ANO2: variants seen among roughly 807,000 people sequenced by gnomAD.
The protein encoded by ANO2 is anoctamin-2.
Under a neutral mutation model 124.2 loss-of-function variants are expected in ANO2, and 101 were observed. The observed-to-expected ratio is 0.81, with a 90% confidence interval of 0.69 to 0.96. The LOEUF is 0.96. Among genes scored for constraint, ANO2 ranks in the 40% least tolerant of loss-of-function variants. ANO2 has a pLI of 0.00. For synonymous variants in ANO2, 486 were observed against 482.5 expected (o/e 1.01, Z -0.09); for missense variants, 1,293 against 1,274.5 (o/e 1.01, Z -0.22).
chr12:5,632,823 G>A (rs1022092070), intron 16 of ANO2, among the ~76,000 whole-genome samples: 1 of 152,146 alleles, frequency 6.6e-6, no homozygotes, highest in African/African-American at 2.4e-5. Context: ...TGAACAGGAA[G>A]GAGAAAGGTC....
At chr12:5,582,493 C>T (rs7967289) in intron 20 of ANO2, among the ~76,000 whole-genome samples, 25,671 of 152,178 alleles carry the variant, frequency 0.17, 2,539 homozygotes, top group Non-Finnish European at 0.22. Flanking sequence ...TCAACAAGGA[C>T]GTTTCAAGAC....
intron 4 of ANO2, among the ~76,000 whole-genome samples, chr12:5,836,097 C>T (rs1159420644): frequency 1.3e-5 from 2 of 152,178 alleles, no homozygotes; most frequent in African/African-American, 4.8e-5. Context: ...CCTTTTCTGT[C>T]CACTCCTCTC....
chr12:5,745,555 C>G (rs1591560996), intron 11 of ANO2, among the ~76,000 whole-genome samples: 1 of 152,216 alleles, frequency 6.6e-6, no homozygotes, highest in Admixed American at 6.5e-5. Context: ...CCTCCAAAGC[C>G]AAAGGATGCC....
rs764679979 is a variant in ANO2, at chr12:5,750,973, G to A, written c.1056-3C>T. 1 of 1,587,014 alleles carries A rather than the reference G, an allele frequency of 6.3e-7. No homozygotes were observed. Among genetic ancestry groups the A allele is most frequent in the South Asian group, 1.2e-5 (1 of 85,916 alleles). ...CAATTTTTTCTCCAAAATACTTTCT[G>A]GAAAAGAAAGAAAAGAAAATGAAAC... is the stretch of plus-strand genomic sequence containing the variant. On this transcript the variant is annotated splice_region_variant and splice_polypyrimidine_tract_variant and intron_variant, in intron 10 of 24. Transcript: ENST00000682330.
At chr12:5,930,245 C>T (rs1406283076) in intron 1 of ANO2, among the ~76,000 whole-genome samples, 1 of 152,134 alleles carries the variant, frequency 6.6e-6, no homozygotes, top group East Asian at 1.9e-4. Flanking sequence ...CTTTAATTCC[C>T]AATGTTTTAT....
intron 7 of ANO2, among the ~76,000 whole-genome samples, chr12:5,814,859 G>C (rs1193750488): frequency 6.6e-6 from 1 of 152,176 alleles, no homozygotes; most frequent in Non-Finnish European, 1.5e-5. Flanking sequence ...AGAAACCTAA[G>C]TTCTAAACCC....
At chr12:5,832,637 G>A in intron 4 of ANO2, 34 bp from the exon 5 acceptor site, 1 of 1,586,332 alleles carries the variant, frequency 6.3e-7, no homozygotes, top group Non-Finnish European at 8.6e-7. Context: ...CTGAAAAGGG[G>A]GCCACTTCCA....
chr12:5,682,506 G>GGCAGTCAAGGGTTCGGGCT (rs1948539462), intron 14 of ANO2, among the ~76,000 whole-genome samples: 1 of 152,098 alleles, frequency 6.6e-6, no homozygotes, highest in East Asian at 1.9e-4. Context: ...CTGTGCTTAT[G>GGCAGTCAAGGGTTCGGGCT]GCAGTCAAGG....
At chr12:5,810,339 A>T (rs2137179519) in intron 7 of ANO2, among the ~76,000 whole-genome samples, 1 of 152,338 alleles carries the variant, frequency 6.6e-6, no homozygotes, top group South Asian at 2.1e-4. Context: ...TCTACCCCCA[A>T]ACAAGCATGG....
intron 16 of ANO2, among the ~76,000 whole-genome samples, chr12:5,617,247 CA>C (rs1470140997): frequency 6.6e-6 from 1 of 151,936 alleles, no homozygotes; most frequent in East Asian, 1.9e-4. Flanking sequence ...CACACCATAC[CA>C]AACTCTCCAG....
intron 10 of ANO2, among the ~76,000 whole-genome samples, chr12:5,780,838 G>A (rs1952370725): frequency 6.6e-6 from 1 of 152,106 alleles, no homozygotes; most frequent in East Asian, 1.9e-4. Context: ...GAATAAATCT[G>A]TTCCTGGAAA....
Position 5,914,530 on chromosome 12 carries a change from T to C in ANO2, c.534+6510A>G, listed in dbSNP as rs538676781. On this transcript the variant is annotated intron_variant, in intron 3 of 24. Coordinates refer to ENST00000682330, the MANE Select transcript of ANO2 (RefSeq NM_001364791.2). ...GCAGCTGTGGGCCCCCAGACTTCCCTGATGGTACGCTGTCCCTTCCAAGAA... is the reference window on the plus strand; with the variant it reads ...GCAGCTGTGGGCCCCCAGACTTCCCCGATGGTACGCTGTCCCTTCCAAGAA... 4.8e-3 allele frequency among the ~76,000 whole-genome samples: 727 copies of C among 152,196 alleles called. 4 individuals are homozygous for C. The highest frequency in any genetic ancestry group is 0.017 in the African/African-American group (691 of 41,546).
chr12:5,789,173 G>A (rs1565670296), intron 10 of ANO2, among the ~76,000 whole-genome samples: 1 of 152,228 alleles, frequency 6.6e-6, no homozygotes, highest in South Asian at 2.1e-4. Context: ...ACCAGCTTGG[G>A]CTTTCAGGAG....
At chr12:5,754,943 C>T (rs192837583) in intron 10 of ANO2, among the ~76,000 whole-genome samples, 82 of 152,060 alleles carry the variant, frequency 5.4e-4, no homozygotes, top group African/African-American at 1.8e-3. Context: ...TTCTTCCCTC[C>T]TGCTAATTTT....
chr12:5,716,478 G>C (rs1219069049), intron 14 of ANO2, among the ~76,000 whole-genome samples: 2 of 152,290 alleles, frequency 1.3e-5, no homozygotes, highest in East Asian at 3.9e-4. Context: ...AGCACACAGT[G>C]GTGCTAGGAG....
chr12:5,771,650 G>T (rs1184746523), intron 10 of ANO2, among the ~76,000 whole-genome samples: 1 of 152,078 alleles, frequency 6.6e-6, no homozygotes, highest in African/African-American at 2.4e-5. Context: ...CATGGTGGTG[G>T]GTGCCTGTAA....
rs543628135 is a variant in ANO2, at chr12:5,807,591, T to C, written c.893-223A>G. Among the ~76,000 whole-genome samples, 381 of 152,354 alleles carry C rather than the reference T, an allele frequency of 2.5e-3. 1 individual carries two copies. The highest frequency in any genetic ancestry group is 8.6e-3 in the African/African-American group (356 of 41,582). ...CAAAATTATGTTTTAATATCAAATA[T>C]GCTGTCTCAAAGTTCACATTCCTCC... On this transcript the variant is annotated intron_variant, in intron 7 of 24. Transcript: ENST00000682330.
intron 10 of ANO2, among the ~76,000 whole-genome samples, chr12:5,760,928 G>A (rs1045776141): frequency 6.6e-6 from 1 of 152,108 alleles, no homozygotes; most frequent in Non-Finnish European, 1.5e-5. Flanking sequence ...CAGGAAATCA[G>A]TCGAACACGG....
At chr12:5,654,470 T>C (rs1032460582) in intron 14 of ANO2, among the ~76,000 whole-genome samples, 7 of 152,234 alleles carry the variant, frequency 4.6e-5, no homozygotes, top group African/African-American at 1.7e-4. Context: ...TTCTGTGTAC[T>C]GTCTGAGGAG....
Sources: gnomAD v4.1 joint callset for allele counts (sites outside exome capture counted in the v4.1 genomes callset) on GRCh38, gnomAD v4.1.1 for gene constraint, MANE v1.5 for transcripts, NCBI Gene and HGNC (gene_info 2026-07-23, HGNC 2026-07-21) for gene names.